Variants in IHO1 observed in about 807,000 individuals in gnomAD.
IHO1 encodes interactor of HORMAD1 1, also known as interactor of HORMAD1 protein 1.
IHO1 carries 13 observed loss-of-function variants against 31.0 expected under a neutral mutation model. That is an observed-to-expected ratio of 0.42 (90% confidence interval 0.27 to 0.67). IHO1 has a LOEUF of 0.67. Ranked by LOEUF, IHO1 falls within the 30% of genes least tolerant of loss-of-function variation. The pLI is 0.24. For synonymous variants in IHO1, 221 were observed against 248.4 expected (o/e 0.89, Z 1.04); for missense variants, 599 against 687.5 (o/e 0.87, Z 1.44).
At position 49,220,316 on chromosome 3, in the gene IHO1, C is replaced by T. The variant is rs548090112; in HGVS notation, c.56+8480C>T. On this transcript the variant is annotated intron_variant, in intron 2 of 7. Transcript: ENST00000452691. ...TCATCTGTGTACAATGCCTGTCCCC[C>T]ACCACAGCTGGTAGTGCCGCAGTAG... 7.2e-5 allele frequency among the ~76,000 whole-genome samples: 11 copies of T among 152,342 alleles called. No homozygotes were observed. In the South Asian group the frequency reaches 1.7e-3, roughly 23 times the overall value.
chr3:49,195,285 G>T (rs769514968), upstream of IHO1, among the ~76,000 whole-genome samples: 4 of 151,792 alleles, frequency 2.6e-5, no homozygotes, highest in Non-Finnish European at 5.9e-5. Flanking sequence ...AGCTGGGCGT[G>T]GTGACATGCG....
chr3:49,236,705 C>T lies in IHO1; in HGVS notation c.214C>T (p.Gln72Ter). ...CCACTTGAGACATTCAAAACAGTCA[C>T]AACAGAACTATCTGGAGGTGAGTCT... ...GAHLRHSKQS[Q>*]QNYLEGEPSI... is the part of the protein sequence containing the mutation. The change falls in exon 3 of 8, where the codon CAA becomes TAA. Residue 72 changes from glutamine to a stop codon, truncating the protein, a stop_gained. Coordinates refer to ENST00000452691, the MANE Select transcript of IHO1 (RefSeq NM_001135197.2). LOFTEE classifies it high-confidence loss of function. The T allele has an allele frequency of 6.2e-7, 1 of 1,613,336 alleles. No homozygotes were observed. The highest frequency in any genetic ancestry group is 8.5e-7 in the Non-Finnish European group (1 of 1,179,814).
intron 2 of IHO1, among the ~76,000 whole-genome samples, chr3:49,222,291 C>A (rs2046363427): frequency 6.6e-6 from 1 of 152,068 alleles, no homozygotes; most frequent in Non-Finnish European, 1.5e-5. Flanking sequence ...AAGGATTGGA[C>A]TGGTTTAACA....
chr3:49,191,658 C>A, the IHO1 span: 6 of 1,458,490 alleles, frequency 4.1e-6, no homozygotes, highest in Non-Finnish European at 5.7e-6. Context: ...CAAATGAAAA[C>A]CTTTTCACTT....
intron 2 of IHO1, among the ~76,000 whole-genome samples, chr3:49,214,412 A>C (rs1273893596): frequency 6.6e-6 from 1 of 151,544 alleles, no homozygotes; most frequent in Non-Finnish European, 1.5e-5. Context: ...AGTATGCCTG[A>C]GAAGTAGTGT....
At chr3:49,240,298 AC>A (rs1398645490) in intron 3 of IHO1, among the ~76,000 whole-genome samples, 8 of 152,146 alleles carry the variant, frequency 5.3e-5, no homozygotes, top group African/African-American at 7.2e-5. Flanking sequence ...ATCTTGGCTC[AC>A]TGCAACCTCC....
At chr3:49,207,627 C>T (rs958984937) in intron 1 of IHO1, among the ~76,000 whole-genome samples, 1 of 152,110 alleles carries the variant, frequency 6.6e-6, no homozygotes, top group African/African-American at 2.4e-5. Flanking sequence ...TAATTTGTAG[C>T]ATACCTTAGT....
intron 2 of IHO1, among the ~76,000 whole-genome samples, chr3:49,222,445 G>A (rs866922419): frequency 6.6e-6 from 1 of 152,114 alleles, no homozygotes; most frequent in African/African-American, 2.4e-5. Flanking sequence ...TCTGGAACAC[G>A]AGATCATTTT....
chr3:49,241,456 A>C, intron 4 of IHO1, 67 bp downstream of exon 4: 2 of 1,439,710 alleles, frequency 1.4e-6, no homozygotes, highest in Non-Finnish European at 9.4e-7. Flanking sequence ...ATAGAGTGTC[A>C]GTAATTAAAT....
intron 2 of IHO1, among the ~76,000 whole-genome samples, chr3:49,231,223 GGCACAAATACAGCAA>G (rs1414215247): frequency 6.6e-6 from 1 of 152,188 alleles, no homozygotes; most frequent in African/African-American, 2.4e-5. Flanking sequence ...CTCTCACGAA[GGCACAAATACAGCAA>G]GCTTTTATAA....
intron 2 of IHO1, among the ~76,000 whole-genome samples, chr3:49,222,173 C>G (rs1482728879): frequency 6.6e-6 from 1 of 152,208 alleles, no homozygotes; most frequent in Non-Finnish European, 1.5e-5. Flanking sequence ...ACTGGCTATT[C>G]TGGTTTCTGT....
intron 6 of IHO1, among the ~76,000 whole-genome samples, chr3:49,250,258 G>A (rs2046743602): frequency 6.6e-6 from 1 of 152,104 alleles, no homozygotes; most frequent in African/African-American, 2.4e-5. Flanking sequence ...ATTTTTCAAT[G>A]TATGCCTTTT....
chr3:49,236,227 G>T (rs1167164307), intron 2 of IHO1, among the ~76,000 whole-genome samples: 3 of 152,070 alleles, frequency 2.0e-5, no homozygotes, highest in East Asian at 1.9e-4. Context: ...AAAATAAAAT[G>T]ATAACATTCT....
rs1315884258 is a variant in IHO1 at position 49,257,601 on chromosome 3, T to C, written c.*319T>C. On this transcript the variant is annotated 3_prime_UTR_variant, in exon 8 of 8. Transcript: ENST00000452691. ...GGCGAAAGGCAGGCAGGCCTCCTTATGGAATACTGTGTAGCAGAAGGGCTC... is the reference window on the plus strand; with the variant it reads ...GGCGAAAGGCAGGCAGGCCTCCTTACGGAATACTGTGTAGCAGAAGGGCTC... The C allele has an allele frequency of 6.8e-6, 2 of 294,160 alleles. No homozygotes were observed. Among genetic ancestry groups the C allele is most frequent in the Non-Finnish European group, 1.3e-5 (2 of 154,870 alleles). The allele number at this position is 294,160 out of a possible 1,614,324, so 18.2% of individuals were successfully genotyped here.
intron 2 of IHO1, among the ~76,000 whole-genome samples, chr3:49,235,110 C>T (rs1469720083): frequency 6.6e-6 from 1 of 152,000 alleles, no homozygotes; most frequent in Non-Finnish European, 1.5e-5. Context: ...TCCCAAAGTG[C>T]TAGCTAGGAT....
intron 2 of IHO1, among the ~76,000 whole-genome samples, chr3:49,215,298 G>C (rs779048046): frequency 2.0e-5 from 3 of 152,038 alleles, no homozygotes; most frequent in Admixed American, 1.3e-4. Context: ...TAATCCAACC[G>C]CCTCAGCCTC....
chr3:49,240,359 G>A (rs1403730617), intron 3 of IHO1, among the ~76,000 whole-genome samples: 1 of 152,194 alleles, frequency 6.6e-6, no homozygotes, highest in Non-Finnish European at 1.5e-5. Flanking sequence ...GAGTAGTTGG[G>A]ATTACAGGCG....
intron 2 of IHO1, among the ~76,000 whole-genome samples, chr3:49,219,689 G>T (rs1216859291): frequency 1.6e-4 from 24 of 152,268 alleles, no homozygotes; most frequent in Non-Finnish European, 1.5e-5. Context: ...TGGCCGAAGG[G>T]TCACCAGAGC....
chr3:49,233,620 C>G (rs907655500), intron 2 of IHO1, among the ~76,000 whole-genome samples: 38 of 152,190 alleles, frequency 2.5e-4, no homozygotes, highest in Non-Finnish European at 4.4e-4. Context: ...ATCCCAACTC[C>G]TGCGAGAAGT....
Sources: gnomAD v4.1 joint callset for allele counts (sites outside exome capture counted in the v4.1 genomes callset) on GRCh38, gnomAD v4.1.1 for gene constraint, MANE v1.5 for transcripts, NCBI Gene and HGNC (gene_info 2026-07-23, HGNC 2026-07-21) for gene names.